PRIM2: variants seen among roughly 807,000 people sequenced by gnomAD.
PRIM2 encodes DNA primase large subunit.
PRIM2 carries 39 observed loss-of-function variants against 67.3 expected under a neutral mutation model. The observed-to-expected ratio is 0.58, with a 90% CI of 0.45 to 0.76. PRIM2 has a LOEUF of 0.76. Among genes scored for constraint, PRIM2 ranks in the 30% least tolerant of loss-of-function variants. The pLI, the probability that PRIM2 is intolerant of heterozygous loss-of-function variation, is 0.00. For synonymous variants in PRIM2, 143 were observed against 198.7 expected, an observed-to-expected ratio of 0.72 and a Z score of 2.36; for missense variants, 398 against 598.7, an observed-to-expected ratio of 0.66 and a Z score of 3.50.
intron 13 of PRIM2, among the ~76,000 whole-genome samples, chr6:57,644,128 T>C (rs1189294881): frequency 6.6e-6 from 1 of 152,192 alleles, no homozygotes. Flanking sequence ...CTTGACCACT[T>C]ACCCTGATTT....
chr6:57,254,121 G>T, the PRIM2 span, among the ~76,000 whole-genome samples: 3 of 152,160 alleles, frequency 2.0e-5, no homozygotes, highest in Non-Finnish European at 4.4e-5. Context: ...TGGGTTTGGG[G>T]TAGAGCCTAG....
chr6:57,313,280 T>C (rs571070433), upstream of PRIM2, among the ~76,000 whole-genome samples: 6 of 152,182 alleles, frequency 3.9e-5, no homozygotes, highest in Non-Finnish European at 8.8e-5. Context: ...TTTCTTTCTG[T>C]TTAGTAGTTG....
At chr6:57,441,766 A>G (rs367769742) in intron 7 of PRIM2, among the ~76,000 whole-genome samples, 5,531 of 152,272 alleles carry the variant, frequency 0.036, 339 homozygotes, top group African/African-American at 0.12. Context: ...GTAGATATCT[A>G]TTCCACCAGA....
At chr6:57,329,717 G>T (rs969129079) in intron 5 of PRIM2, among the ~76,000 whole-genome samples, 2 of 152,136 alleles carry the variant, frequency 1.3e-5, no homozygotes, top group Admixed American at 6.6e-5. Context: ...CCCCAGACAC[G>T]CAGAGGGCTC....
intron 10 of PRIM2, among the ~76,000 whole-genome samples, chr6:57,559,784 A>G (rs1775592780): frequency 6.6e-6 from 1 of 152,244 alleles, no homozygotes; most frequent in Non-Finnish European, 1.5e-5. Flanking sequence ...TAAGTGTGCA[A>G]TAGCATTATA....
intron 5 of PRIM2, among the ~76,000 whole-genome samples, chr6:57,329,374 C>G (rs775947428): frequency 1.3e-5 from 2 of 151,992 alleles, no homozygotes; most frequent in African/African-American, 2.4e-5. Context: ...TCTAGTTGTC[C>G]CAGCATCATT....
intron 5 of PRIM2, among the ~76,000 whole-genome samples, chr6:57,364,663 G>A (rs1769297428): frequency 6.6e-6 from 1 of 152,014 alleles, no homozygotes; most frequent in Admixed American, 6.6e-5. Context: ...GTTTAATATA[G>A]GGAGGGCCTC....
chr6:57,375,461 C>T (rs1172262730), intron 5 of PRIM2, among the ~76,000 whole-genome samples: 8 of 152,240 alleles, frequency 5.3e-5, no homozygotes, highest in Non-Finnish European at 1.2e-4. Flanking sequence ...CTGCTGGATT[C>T]GGTTTACAAG....
chr6:57,564,777 G>T (rs1719025978), intron 10 of PRIM2, among the ~76,000 whole-genome samples: 1 of 152,126 alleles, frequency 6.6e-6, no homozygotes, highest in African/African-American at 2.4e-5. Flanking sequence ...TTAAATAATA[G>T]TAAAAATGTA....
chr6:57,353,767 C>G (rs1355459089), intron 5 of PRIM2, among the ~76,000 whole-genome samples: 1 of 152,124 alleles, frequency 6.6e-6, no homozygotes, highest in Admixed American at 6.5e-5. Flanking sequence ...ATGTCTTCAT[C>G]AGAAACTGGG....
At chr6:57,360,244 G>A (rs572184927) in intron 5 of PRIM2, among the ~76,000 whole-genome samples, 1 of 152,152 alleles carries the variant, frequency 6.6e-6, no homozygotes, top group South Asian at 2.1e-4. Flanking sequence ...AGTAGAAAGA[G>A]GTATAAATAA....
chr6:57,470,736 C>T (rs1773317957), intron 7 of PRIM2, among the ~76,000 whole-genome samples: 4 of 151,920 alleles, frequency 2.6e-5, no homozygotes. Flanking sequence ...TAAAAGCTTA[C>T]TAGTTATAGC....
chr6:57,517,515 A>G (rs1774510988), intron 8 of PRIM2, among the ~76,000 whole-genome samples: 1 of 152,162 alleles, frequency 6.6e-6, no homozygotes, highest in Middle Eastern at 3.2e-3. Context: ...AAAGAACTGA[A>G]TTTTAAATTT....
At chr6:57,335,629 C>T (rs1006278924) in intron 5 of PRIM2, among the ~76,000 whole-genome samples, 52 of 152,256 alleles carry the variant, frequency 3.4e-4, no homozygotes, top group African/African-American at 1.2e-3. Flanking sequence ...CCAGGTACTC[C>T]AACAGACCTG....
intron 5 of PRIM2, among the ~76,000 whole-genome samples, chr6:57,353,119 T>G (rs1768908470): frequency 7.0e-6 from 1 of 142,138 alleles, no homozygotes; most frequent in Non-Finnish European, 1.5e-5. Context: ...CTTGTCTAAT[T>G]GAGACCCATG....
upstream of PRIM2, among the ~76,000 whole-genome samples, chr6:57,311,833 C>T (rs1288990372): frequency 6.6e-6 from 1 of 152,076 alleles, no homozygotes; most frequent in Non-Finnish European, 1.5e-5. Flanking sequence ...TGGAGACCAG[C>T]CCGGTCAACA....
At chr6:57,281,591 C>T in the PRIM2 span, among the ~76,000 whole-genome samples, 3 of 152,160 alleles carry the variant, frequency 2.0e-5, no homozygotes, top group Admixed American at 2.0e-4. Flanking sequence ...AGTTCATAGA[C>T]ATGCCCAACC....
intron 10 of PRIM2, among the ~76,000 whole-genome samples, chr6:57,591,587 G>C (rs1582008681): frequency 1.3e-5 from 2 of 151,648 alleles, no homozygotes; most frequent in African/African-American, 4.8e-5. Flanking sequence ...TTGAAGGTAA[G>C]AAACACCTGC....
intron 7 of PRIM2, among the ~76,000 whole-genome samples, chr6:57,487,518 T>C (rs1390539547): frequency 6.6e-6 from 1 of 152,250 alleles, no homozygotes; most frequent in Non-Finnish European, 1.5e-5. Context: ...CATGCGCCAC[T>C]GCCCCTGGCC....
Sources: allele counts gnomAD v4.1 joint callset (sites outside exome capture counted in the v4.1 genomes callset), GRCh38; gene constraint gnomAD v4.1.1; transcripts MANE v1.5; gene names NCBI Gene and HGNC (gene_info 2026-07-23, HGNC 2026-07-21).